ZNF236: variants seen among roughly 807,000 people sequenced by gnomAD.
The protein encoded by ZNF236 is zinc finger protein 236.
In ZNF236, 50 loss-of-function variants were observed where a neutral mutation model predicts 191.2. The observed-to-expected ratio is 0.26, with a 90% CI of 0.21 to 0.33. The LOEUF (loss-of-function observed/expected upper bound fraction) is 0.33. Ranked by LOEUF, ZNF236 falls within the 10% of genes least tolerant of loss-of-function variation. ZNF236 has a pLI of 1.00. For synonymous variants in ZNF236, 907 were observed against 928.8 expected (o/e 0.98, Z 0.43); for missense variants, 1,754 against 2,374.5 (o/e 0.74, Z 5.43).
chr18:76,865,317 A>G (rs559789856), intron 3 of ZNF236, among the ~76,000 whole-genome samples: 1 of 152,320 alleles, frequency 6.6e-6, no homozygotes, highest in South Asian at 2.1e-4. Context: ...AGCCTGGGCC[A>G]CAAGAGTGAA....
At chr18:76,937,462 C>A in intron 26 of ZNF236, 119 bp downstream of exon 26, 3 of 935,874 alleles carry the variant, frequency 3.2e-6, no homozygotes, top group Non-Finnish European at 4.4e-6. Context: ...AAAATCGAAG[C>A]ATTTTTTTTC....
At chr18:76,912,818 A>T (rs898838241) in intron 17 of ZNF236, among the ~76,000 whole-genome samples, 2 of 152,144 alleles carry the variant, frequency 1.3e-5, no homozygotes, top group Non-Finnish European at 2.9e-5. Flanking sequence ...ATGTACAAGT[A>T]ATTTTTGTAT....
chr18:76,885,848 T>G (rs1018821865), intron 9 of ZNF236: 1 of 152,256 alleles, frequency 6.6e-6, no homozygotes, highest in African/African-American at 2.4e-5. Context: ...TCTGAGCATA[T>G]CCTTCTGTAA....
chr18:76,868,978 C>A, intron 4 of ZNF236, 115 bp downstream of exon 4: 1 of 1,008,868 alleles, frequency 9.9e-7, no homozygotes, highest in East Asian at 2.6e-5. Context: ...AGTGGAACCC[C>A]ACAGATAATT....
chr18:76,881,842 C>G (rs78767747), intron 9 of ZNF236, among the ~76,000 whole-genome samples: 1,843 of 152,342 alleles, frequency 0.012, 27 homozygotes, highest in African/African-American at 0.042. Context: ...CGCCTCCTCT[C>G]CACTCAGATC....
intron 9 of ZNF236, among the ~76,000 whole-genome samples, chr18:76,883,362 CTTTTTTTTTTT>C (rs10581368): frequency 1.1e-5 from 1 of 93,084 alleles, no homozygotes; most frequent in Admixed American, 1.1e-4. Flanking sequence ...GGAGCCAGTG[CTTTTTTTTTTT>C]TTTTTTTTTT....
Position 76,849,511 on chromosome 18 carries a change from T to A in ZNF236, c.56-15T>A. On this transcript the variant is annotated splice_polypyrimidine_tract_variant and intron_variant, in intron 1 of 30. Coordinates refer to ENST00000320610, the MANE Select transcript of ZNF236 (RefSeq NM_001306089.2). ...ACAACTGGTATTTATTGTCTATACT[T>A]ATGCAATTTTATAGATGGAGTTTTA... is the stretch of plus-strand genomic sequence containing the variant. 6.3e-7 allele frequency: 1 copy of A among 1,596,296 alleles called. No individual in the cohort carries two copies. The highest frequency in any genetic ancestry group is 8.5e-7 in the Non-Finnish European group (1 of 1,173,436).
intron 5 of ZNF236, among the ~76,000 whole-genome samples, chr18:76,874,240 C>T (rs988253480): frequency 6.6e-6 from 1 of 152,208 alleles, no homozygotes. Context: ...GTACTGTCCC[C>T]AAGCTTGTTA....
At chr18:76,910,906 T>C in intron 16 of ZNF236, 95 bp downstream of exon 16, 1 of 1,391,300 alleles carries the variant, frequency 7.2e-7, no homozygotes. Flanking sequence ...AAGGGAAATT[T>C]TAAGAGGCAT....
chr18:76,826,610 G>T (rs1248552156), intron 1 of ZNF236, among the ~76,000 whole-genome samples: 1 of 150,228 alleles, frequency 6.7e-6, no homozygotes, highest in Non-Finnish European at 1.5e-5. Flanking sequence ...GGCCCCCATG[G>T]TGAAACCCCA....
At chr18:76,959,035 G>A (rs1221514841) in intron 28 of ZNF236, among the ~76,000 whole-genome samples, 1 of 152,268 alleles carries the variant, frequency 6.6e-6, no homozygotes, top group Non-Finnish European at 1.5e-5. Context: ...GCCTGCAAGG[G>A]CAGCAGCTAT....
At chr18:76,962,556 A>G (rs756029084) in intron 30 of ZNF236, among the ~76,000 whole-genome samples, 3 of 152,150 alleles carry the variant, frequency 2.0e-5, no homozygotes, top group African/African-American at 4.8e-5. Context: ...TTTTGATTCC[A>G]TATCAATTTT....
Position 76,874,094 on chromosome 18 carries a change from C to T in ZNF236, c.668-1398C>T, listed in dbSNP as rs140520110. 5.6e-3 allele frequency among the ~76,000 whole-genome samples: 828 copies of T among 147,784 alleles called. 3 individuals are homozygous for T. The highest frequency in any genetic ancestry group is 8.6e-3 in the Admixed American group (127 of 14,838). ...CCACACTCTCACTGTGCCTCCTGCC[C>T]GCCTGTCCTCCTCTCCTGTCCCCAT... On this transcript the variant is annotated intron_variant, in intron 5 of 30. Transcript: ENST00000320610.
intron 1 of ZNF236, among the ~76,000 whole-genome samples, chr18:76,823,856 C>T (rs955437066): frequency 6.6e-6 from 1 of 152,150 alleles, no homozygotes; most frequent in South Asian, 2.1e-4. Context: ...TTCTCGCGGG[C>T]GCCGTGGTTC....
chr18:76,880,350 G>C lies in ZNF236; in HGVS notation c.1188+34G>C. ...CGCTTCCCTGCGGTGTGAGGCTTAC[G>C]TGCTCGTGCTGGGTCAGAAACCAGG... is the stretch of plus-strand genomic sequence containing the variant. On this transcript the variant is annotated intron_variant, in intron 8 of 30. Coordinates refer to ENST00000320610, the MANE Select transcript of ZNF236 (RefSeq NM_001306089.2). The surrounding 1 kb of genome is among the most constrained non-coding windows in gnomAD (Gnocchi z 5.0). The C allele has an allele frequency of 6.4e-7, 1 of 1,569,302 alleles. No individual in the cohort carries two copies. The highest frequency in any genetic ancestry group is 8.7e-7 in the Non-Finnish European group (1 of 1,151,412).
intron 1 of ZNF236, among the ~76,000 whole-genome samples, chr18:76,847,487 G>T (rs1319560447): frequency 6.6e-6 from 1 of 150,600 alleles, no homozygotes. Context: ...TTTTTTTTAG[G>T]CAGAGTCTCA....
chr18:76,874,705 G>T (rs149552726), intron 5 of ZNF236, among the ~76,000 whole-genome samples: 133 of 152,310 alleles, frequency 8.7e-4, no homozygotes, highest in African/African-American at 3.0e-3. Context: ...AAGGCCTGAA[G>T]AATCTGAGAG....
At chr18:76,824,502 G>T in intron 1 of ZNF236, 1 of 777,726 alleles carries the variant, frequency 1.3e-6, no homozygotes, top group Non-Finnish European at 2.4e-6. Flanking sequence ...TGCCTCTCCC[G>T]CTTTTGAGTT....
rs1305406046 is a variant in ZNF236 at position 76,969,812 on chromosome 18, A to C, written c.*1473A>C. On this transcript the variant is annotated 3_prime_UTR_variant, in exon 31 of 31. Transcript: ENST00000320610. ...TTTGATTTTTTTGTTGTTGTTGTTCACTTTTGGCATATGTATATAAGTAAT... is the reference window on the plus strand; with the variant it reads ...TTTGATTTTTTTGTTGTTGTTGTTCCCTTTTGGCATATGTATATAAGTAAT... 6.6e-6 allele frequency: 1 copy of C among 152,666 alleles called. No homozygotes were observed. The highest frequency in any genetic ancestry group is 1.9e-4 in the East Asian group (1 of 5,194). 9.5% of individuals were successfully genotyped at this position (152,666 alleles called of 1,614,324 possible).
Sources: gnomAD v4.1 joint callset for allele counts (sites outside exome capture counted in the v4.1 genomes callset) on GRCh38, gnomAD v4.1.1 for gene constraint, Gnocchi (gnomAD v3.1) non-coding constraint, MANE v1.5 for transcripts, NCBI Gene and HGNC (gene_info 2026-07-23, HGNC 2026-07-21) for gene names.